The following ACOT7 variants were observed in gnomAD, a reference collection of about 807,000 sequenced individuals.
ACOT7 encodes acyl-CoA thioesterase 7.
Under a neutral mutation model 40.2 loss-of-function variants are expected in ACOT7, and 12 were observed. The ratio of observed to expected loss-of-function variants is 0.30; its 90% confidence interval spans 0.19 to 0.48. The LOEUF is 0.48. Among genes scored for constraint, ACOT7 ranks in the 20% least tolerant of loss-of-function variants. The pLI, the probability that ACOT7 is intolerant of heterozygous loss-of-function variation, is 0.99. For missense variants in ACOT7, 395 were observed against 530.8 expected (o/e 0.74, Z 2.51); for synonymous variants, 228 against 219.5 (o/e 1.04, Z -0.34).
chr1:6,388,210 G>A (rs1275996044), intron 1 of ACOT7, among the ~76,000 whole-genome samples: 1 of 151,864 alleles, frequency 6.6e-6, no homozygotes, highest in Non-Finnish European at 1.5e-5. Context: ...CCGGGTTCAT[G>A]CCACTCTCCT....
chr1:6,287,779 G>A (rs1236836035), intron 7 of ACOT7, among the ~76,000 whole-genome samples: 1 of 152,190 alleles, frequency 6.6e-6, no homozygotes, highest in Non-Finnish European at 1.5e-5. Context: ...AGGTTGCCAA[G>A]TGTTTCAGAG....
rs554791489 is a variant in ACOT7, at chr1:6,267,408, G to A, written c.1015-2713C>T. On this transcript the variant is annotated intron_variant, in intron 8 of 8. Transcript: ENST00000361521. ...CCTGGGGGGCTGGTGGGAATGGCCC[G>A]TCCAAGGCCAGGGCCCTGGAGAGGG... is the stretch of plus-strand genomic sequence containing the variant. Among the ~76,000 whole-genome samples, 6 of 152,324 alleles carry A rather than the reference G, an allele frequency of 3.9e-5. No individual in the cohort carries two copies. In the East Asian group the frequency reaches 5.8e-4, roughly 15 times the overall value.
chr1:6,288,465 T>G lies in ACOT7; in HGVS notation c.829+6399A>C, dbSNP rs367697819. Among the ~76,000 whole-genome samples the G allele has an allele frequency of 1.5e-4, 23 of 152,236 alleles. No individual in the cohort carries two copies. Among genetic ancestry groups the G allele is most frequent in the Middle Eastern group, 3.2e-3 (1 of 316 alleles). On this transcript the variant is annotated intron_variant, in intron 7 of 8. Coordinates refer to ENST00000361521, the MANE Select transcript of ACOT7 (RefSeq NM_007274.4). This position sits in a 1 kb window ranked among gnomAD's most constrained non-coding sequence, Gnocchi z 4.3. ...GGGACAGCTATGACAAGTGGCAGCC[T>G]GTCCTAGCAGACCTGAAGTGCCAGC...
chr1:6,289,351 C>T lies in ACOT7; in HGVS notation c.829+5513G>A, dbSNP rs557374559. 1.3e-5 allele frequency among the ~76,000 whole-genome samples: 2 copies of T among 152,020 alleles called. No individual in the cohort carries two copies. Among genetic ancestry groups the T allele is most frequent in the Non-Finnish European group, 2.9e-5 (2 of 68,012 alleles). ...CTGACCTCAGGTGATCAGACTGCCT[C>T]GGCCTCCCAAAGTGCTGGGATTACA... is the stretch of plus-strand genomic sequence containing the variant. On this transcript the variant is annotated intron_variant, in intron 7 of 8. Coordinates refer to ENST00000361521, the MANE Select transcript of ACOT7 (RefSeq NM_007274.4). This position sits in a 1 kb window ranked among gnomAD's most constrained non-coding sequence, Gnocchi z 4.6.
chr1:6,284,298 C>G (rs1048427115), intron 7 of ACOT7, among the ~76,000 whole-genome samples: 1 of 152,056 alleles, frequency 6.6e-6, no homozygotes, highest in Non-Finnish European at 1.5e-5. Context: ...AGCTACAGAC[C>G]GGGCGCAGTG....
intron 5 of ACOT7, among the ~76,000 whole-genome samples, chr1:6,323,331 C>T (rs1640700020): frequency 6.6e-6 from 1 of 152,132 alleles, no homozygotes; most frequent in South Asian, 2.1e-4. Context: ...CTGGCGTGTT[C>T]AACAGCTTGG....
intron 5 of ACOT7, among the ~76,000 whole-genome samples, chr1:6,325,642 A>G (rs537081804): frequency 2.0e-5 from 3 of 152,320 alleles, no homozygotes; most frequent in African/African-American, 7.2e-5. Context: ...GCACAGACTG[A>G]GTCAGAGACA....
Position 6,288,883 on chromosome 1 carries a change from C to A in ACOT7, c.829+5981G>T, listed in dbSNP as rs183985521. ...AATGTCTGGATGAAGCAAAGCTGTC[C>A]GTGTAACTTCCTGACAGACACCCCA... On this transcript the variant is annotated intron_variant, in intron 7 of 8. Coordinates refer to ENST00000361521, the MANE Select transcript of ACOT7 (RefSeq NM_007274.4). The surrounding 1 kb of genome is among the most constrained non-coding windows in gnomAD (Gnocchi z 4.3). 1.6e-4 allele frequency among the ~76,000 whole-genome samples: 25 copies of A among 152,322 alleles called. No individual in the cohort carries two copies. Among genetic ancestry groups the A allele is most frequent in the African/African-American group, 5.8e-4 (24 of 41,568 alleles).
At position 6,349,809 on chromosome 1, in the gene ACOT7, C is replaced by G. The variant is rs755608954; in HGVS notation, c.201G>C (p.Leu67=). The G allele has an allele frequency of 6.2e-7, 1 of 1,614,162 alleles. No individual in the cohort carries two copies. Among genetic ancestry groups the G allele is most frequent in the Non-Finnish European group, 8.5e-7 (1 of 1,180,036 alleles). ...TGGCGCCTGCCTCCTCGATCATCTT[C>G]AGGATGGTCCCCCCGTGGACATTGC... The part of the protein sequence containing the change: ...VAGNVHGGTI[L]KMIEEAGAII... Residue 67 remains leucine, a synonymous_variant, in exon 2 of 9, where the codon CTG becomes CTC. Coordinates refer to ENST00000361521, the MANE Select transcript of ACOT7 (RefSeq NM_007274.4).
chr1:6,371,225 T>C (rs115053469), intron 1 of ACOT7, among the ~76,000 whole-genome samples: 2,681 of 152,322 alleles, frequency 0.018, 83 homozygotes, highest in African/African-American at 0.061. Context: ...GGATTTGTTG[T>C]TCCATTTATA....
intron 1 of ACOT7, among the ~76,000 whole-genome samples, chr1:6,375,891 TTGTGCCACTGCACTCCAG>T (rs1642221076): frequency 1.3e-5 from 2 of 150,482 alleles, no homozygotes; most frequent in Non-Finnish European, 2.9e-5. Context: ...TGAGCCGAGA[TTGTGCCACTGCACTCCAG>T]CATGGGCAAC....
chr1:6,393,162 C>G, intron 1 of ACOT7, 95 bp downstream of exon 1: 1 of 1,177,472 alleles, frequency 8.5e-7, no homozygotes, highest in Non-Finnish European at 1.1e-6. Flanking sequence ...CGGGGGCGGC[C>G]TCGGCGGGTG....
intron 3 of ACOT7, among the ~76,000 whole-genome samples, chr1:6,333,917 G>A (rs1641029926): frequency 6.6e-6 from 1 of 152,168 alleles, no homozygotes; most frequent in Non-Finnish European, 1.5e-5. Flanking sequence ...CTCTGGGGCA[G>A]TTCTCCCTTT....
chr1:6,310,777 A>G (rs2148413798), intron 6 of ACOT7, among the ~76,000 whole-genome samples: 1 of 152,306 alleles, frequency 6.6e-6, no homozygotes, highest in African/African-American at 2.4e-5. Context: ...TCTGTCACCC[A>G]GGCTGGATGG....
chr1:6,338,125 T>C lies in ACOT7; in HGVS notation c.418+1308A>G, dbSNP rs1641159938. Among the ~76,000 whole-genome samples, 1 of 152,026 alleles carries C rather than the reference T, an allele frequency of 6.6e-6. No individual in the cohort carries two copies. The highest frequency in any genetic ancestry group is 2.1e-4 in the South Asian group (1 of 4,830). ...CTGCAAAGCAGATCCCTTCCTGGCA[T>C]TTTTGAAGCCACCAACTCCTGCAAT... On this transcript the variant is annotated intron_variant, in intron 3 of 8. Coordinates refer to ENST00000361521, the MANE Select transcript of ACOT7 (RefSeq NM_007274.4). The surrounding 1 kb of genome is among the most constrained non-coding windows in gnomAD (Gnocchi z 4.4).
rs1639389074 is a variant in ACOT7 at position 6,282,673 on chromosome 1, C to T, written c.830-1387G>A. 1 of 1,279,906 alleles carries T rather than the reference C, an allele frequency of 7.8e-7. No homozygotes were observed. The highest frequency in any genetic ancestry group is 1.2e-5 in the South Asian group (1 of 80,464). The allele number at this position is 1,279,906 out of a possible 1,614,324, so 79.3% of individuals were successfully genotyped here. ...AGGCCAGAGGCAAGAGCGGTTATTC[C>T]ATGTTAAAAAGTATCAGAACGATCC... On this transcript the variant is annotated intron_variant, in intron 7 of 8. Transcript: ENST00000361521. The surrounding 1 kb of genome is among the most constrained non-coding windows in gnomAD (Gnocchi z 4.5).
At chr1:6,353,806 C>G (rs895482554) in intron 1 of ACOT7, among the ~76,000 whole-genome samples, 3 of 152,166 alleles carry the variant, frequency 2.0e-5, no homozygotes, top group African/African-American at 7.2e-5. Context: ...CCCCCAGCCC[C>G]CAACACGCTA....
chr1:6,346,480 GAGA>G (rs1168818009), intron 2 of ACOT7, among the ~76,000 whole-genome samples: 3 of 152,248 alleles, frequency 2.0e-5, no homozygotes, highest in Non-Finnish European at 4.4e-5. Context: ...CAGCAAGTCC[GAGA>G]AGAAGCAGAA....
intron 1 of ACOT7, among the ~76,000 whole-genome samples, chr1:6,377,294 G>A (rs1490328630): frequency 6.6e-6 from 1 of 152,140 alleles, no homozygotes; most frequent in Non-Finnish European, 1.5e-5. Context: ...CTAGCACTTT[G>A]GGAGGCTGAG....
Sources: gnomAD v4.1 joint callset for allele counts (sites outside exome capture counted in the v4.1 genomes callset) on GRCh38, gnomAD v4.1.1 for gene constraint, Gnocchi (gnomAD v3.1) non-coding constraint, MANE v1.5 for transcripts, NCBI Gene and HGNC (gene_info 2026-07-23, HGNC 2026-07-21) for gene names.